The following LOC128462377 variants were observed in gnomAD, a reference collection of about 807,000 sequenced individuals.
the LOC128462377 span, among the ~76,000 whole-genome samples, chr16:89,346,130 T>TC: frequency 6.7e-6 from 1 of 149,844 alleles, no homozygotes; most frequent in African/African-American, 2.5e-5. Context: ...GCGCTTGTAA[T>TC]CCCAGCTACT....
At chr16:89,389,613 T>C in the LOC128462377 span, among the ~76,000 whole-genome samples, 1 of 152,122 alleles carries the variant, frequency 6.6e-6, no homozygotes, top group Admixed American at 6.5e-5. Flanking sequence ...CTGGGTGGGA[T>C]TCACAGAAGA....
At chr16:89,354,598 C>G in the LOC128462377 span, among the ~76,000 whole-genome samples, 2 of 152,182 alleles carry the variant, frequency 1.3e-5, no homozygotes, top group African/African-American at 4.8e-5. Context: ...AATACAAAAG[C>G]TGGCAGGGCA....
chr16:89,409,233 G>T, the LOC128462377 span, among the ~76,000 whole-genome samples: 10 of 152,160 alleles, frequency 6.6e-5, no homozygotes, highest in Non-Finnish European at 1.5e-5. Flanking sequence ...AATTCCACCC[G>T]CCTCCACAGG....
At chr16:89,321,434 A>G in the LOC128462377 span, among the ~76,000 whole-genome samples, 1 of 24,994 alleles carries the variant, frequency 4.0e-5, no homozygotes, top group African/African-American at 1.9e-4. Context: ...CGGGGCCTGC[A>G]GGGCAGGGTG....
chr16:89,328,644 G>A, the LOC128462377 span, among the ~76,000 whole-genome samples: 1 of 151,240 alleles, frequency 6.6e-6, no homozygotes, highest in African/African-American at 2.4e-5. Context: ...AGGAGCACGG[G>A]CGAAATCAGC....
chr16:89,344,606 C>T, the LOC128462377 span, among the ~76,000 whole-genome samples: 6 of 152,196 alleles, frequency 3.9e-5, no homozygotes, highest in African/African-American at 7.2e-5. Context: ...TGCAAGCGTC[C>T]GGGAGGACAC....
the LOC128462377 span, among the ~76,000 whole-genome samples, chr16:89,355,259 G>C: frequency 4.0e-5 from 6 of 150,732 alleles, no homozygotes; most frequent in Admixed American, 3.3e-4. Context: ...CCTGAGGCTC[G>C]GAAGGCGGGC....
chr16:89,401,323 C>T, the LOC128462377 span, among the ~76,000 whole-genome samples: 1 of 152,072 alleles, frequency 6.6e-6, no homozygotes, highest in Admixed American at 6.5e-5. Context: ...GTGATCCACC[C>T]ACCTTGGCCT....
chr16:89,372,639 G>A, the LOC128462377 span, among the ~76,000 whole-genome samples: 1 of 152,080 alleles, frequency 6.6e-6, no homozygotes, highest in Non-Finnish European at 1.5e-5. Context: ...TTTAAAGAAA[G>A]AAAAAAATTT....
the LOC128462377 span, among the ~76,000 whole-genome samples, chr16:89,396,978 G>T: frequency 6.6e-6 from 1 of 152,152 alleles, no homozygotes; most frequent in African/African-American, 2.4e-5. Context: ...GCATGAGCCA[G>T]GGGACTTGAC....
the LOC128462377 span, among the ~76,000 whole-genome samples, chr16:89,357,451 AAC>A: frequency 4.6e-5 from 7 of 152,200 alleles, no homozygotes; most frequent in Admixed American, 1.3e-4. Flanking sequence ...GCCAAAAAAA[AAC>A]AGTGTGACGA....
chr16:89,406,671 C>A, the LOC128462377 span, among the ~76,000 whole-genome samples: 1 of 152,146 alleles, frequency 6.6e-6, no homozygotes, highest in African/African-American at 2.4e-5. Flanking sequence ...GACTGTGATG[C>A]CGGCATCTGC....
the LOC128462377 span, among the ~76,000 whole-genome samples, chr16:89,355,214 AGAGGGCTCACGGAGGGAGGGCG>A: frequency 2.6e-5 from 4 of 151,776 alleles, no homozygotes; most frequent in Non-Finnish European, 2.9e-5. Flanking sequence ...GGAGGCGGGC[AGAGGGCTCACGGAGGGAGGGCG>A]GAGGGCTCAC....
chr16:89,408,571 G>A, the LOC128462377 span, among the ~76,000 whole-genome samples: 4 of 152,256 alleles, frequency 2.6e-5, no homozygotes, highest in African/African-American at 9.6e-5. Flanking sequence ...TGACGAGCGT[G>A]AGCACTGCCC....
At chr16:89,373,089 C>G in the LOC128462377 span, 7 of 152,208 alleles carry the variant, frequency 4.6e-5, no homozygotes, top group Non-Finnish European at 8.8e-5. Flanking sequence ...ACTCTTCTCC[C>G]GCTGCATATC....
At chr16:89,383,272 G>T in the LOC128462377 span, among the ~76,000 whole-genome samples, 1 of 152,206 alleles carries the variant, frequency 6.6e-6, no homozygotes, top group Non-Finnish European at 1.5e-5. Flanking sequence ...GGCTCTGCCA[G>T]AAGCACTGCC....
the LOC128462377 span, among the ~76,000 whole-genome samples, chr16:89,318,852 T>G: frequency 6.6e-6 from 1 of 152,216 alleles, no homozygotes; most frequent in Non-Finnish European, 1.5e-5. Flanking sequence ...GCGGTGCAGG[T>G]GAGCAGGTGT....
At chr16:89,328,126 G>A in the LOC128462377 span, among the ~76,000 whole-genome samples, 3 of 144,584 alleles carry the variant, frequency 2.1e-5, no homozygotes, top group African/African-American at 7.7e-5. Flanking sequence ...AAGCCGTTAG[G>A]GAAACACAAC....
the LOC128462377 span, among the ~76,000 whole-genome samples, chr16:89,371,787 A>C: frequency 1.3e-5 from 2 of 152,146 alleles, no homozygotes; most frequent in Non-Finnish European, 2.9e-5. Flanking sequence ...GGTCTCCATC[A>C]AGGCCACGCC....
Sources: allele counts gnomAD v4.1 joint callset (sites outside exome capture counted in the v4.1 genomes callset), GRCh38; gene constraint gnomAD v4.1.1; transcripts MANE v1.5.